Variants in SPTA1 observed in about 807,000 individuals in gnomAD.
The protein encoded by SPTA1 is spectrin alpha chain, erythrocytic 1.
Under a neutral mutation model 324.7 loss-of-function variants are expected in SPTA1, and 177 were observed. The ratio of observed to expected loss-of-function variants is 0.55; its 90% CI spans 0.48 to 0.62. SPTA1 has a LOEUF of 0.62. Ranked by LOEUF, SPTA1 falls within the 20% of genes least tolerant of loss-of-function variation. SPTA1 has a pLI of 0.00. For synonymous variants in SPTA1, 1,195 were observed against 1,041.3 expected, an observed-to-expected ratio of 1.15 and a Z score of -2.84; for missense variants, 3,162 against 2,883.6, an observed-to-expected ratio of 1.10 and a Z score of -2.21.
Position 158,676,193 on chromosome 1 carries a change from G to A in SPTA1, c.1060C>T (p.His354Tyr), listed in dbSNP as rs747037855. The stretch of plus-strand genomic sequence containing the variant: ...CTGCTGGTGGCCAGGGCACGAATAT[G>A]CTCCCAGCTGGAGACCAGATCTTCT... ...MKEDLVSSWE[H>Y]IRALATSRYE... Residue 354 changes from histidine (H) to tyrosine (Y), a missense_variant, in exon 8 of 52, where the codon CAT becomes TAT. Physicochemically the swap from His to Tyr is moderately conservative, Grantham distance 83 (BLOSUM62 2). Transcript: ENST00000643759. The A allele has an allele frequency of 6.2e-7, 1 of 1,613,718 alleles. No individual in the cohort carries two copies. Among genetic ancestry groups the A allele is most frequent in the Non-Finnish European group, 8.5e-7 (1 of 1,179,758 alleles).
chr1:158,659,595 A>ATTATTTTTTTTTTTTTTTT (rs1345384278), intron 18 of SPTA1, among the ~76,000 whole-genome samples: 2 of 68,782 alleles, frequency 2.9e-5, no homozygotes, highest in Non-Finnish European at 6.7e-5. Context: ...TCTTAGCATT[A>ATTATTTTTTTTTTTTTTTT]TTTTTTTTTT....
chr1:158,626,814 G>T (rs1374596118), intron 41 of SPTA1, 25 bp downstream of exon 41: 1 of 1,613,104 alleles, frequency 6.2e-7, no homozygotes, highest in Non-Finnish European at 8.5e-7. Context: ...CAAACCCAAG[G>T]GACCCTGAAC....
Position 158,611,131 on chromosome 1 carries a change from GCACACACACACACACACA to G in SPTA1, c.*115_*132del, listed in dbSNP as rs55832242. On this transcript the variant is annotated 3_prime_UTR_variant, in exon 52 of 52. Transcript: ENST00000643759. The stretch of plus-strand genomic sequence containing the variant: ...AAATGTAATATGCACACAAACACAA[GCACACACACACACACACA>G]CACACACACACACACACGAGGCCAT... The G allele has an allele frequency of 3.4e-5, 23 of 671,432 alleles. No individual in the cohort carries two copies. The Middle Eastern group carries it at 1.2e-3, about 34-fold the overall frequency. 41.6% of individuals were successfully genotyped at this position (671,432 alleles called of 1,614,324 possible).
Position 158,656,611 on chromosome 1 carries a change from A to G in SPTA1, c.2851T>C (p.Phe951Leu). ...CGCAGAGCTTTCATACTGTCTCCAA[A>G]TGAATTGAGATCTAATAGAAAGGCC... Reference protein sequence around the residue: ...HEAFLLDLNSFGDSMKALRNQ... With the variant: ...HEAFLLDLNSLGDSMKALRNQ... The change falls in exon 20 of 52, where the codon TTT becomes CTT. Residue 951 changes from phenylalanine to leucine, a missense_variant. Physicochemically the swap from Phe to Leu is conservative, Grantham distance 22 (BLOSUM62 0). Transcript: ENST00000643759. The G allele has an allele frequency of 6.2e-7, 1 of 1,613,932 alleles. No homozygotes were observed. The highest frequency in any genetic ancestry group is 8.5e-7 in the Non-Finnish European group (1 of 1,179,908).
chr1:158,613,428 A>G (rs945508974), intron 50 of SPTA1, among the ~76,000 whole-genome samples: 1 of 152,082 alleles, frequency 6.6e-6, no homozygotes, highest in Non-Finnish European at 1.5e-5. Flanking sequence ...TCTCACATAC[A>G]TGAAGGGATT....
At position 158,654,882 on chromosome 1, in the gene SPTA1, A is replaced by G. The variant is rs554156054; in HGVS notation, c.2899-134T>C. ...GCTGGAACCTCTTACGTGGCTGCAG[A>G]GATTAAAGTATGTGGTCTTCAGAGA... On this transcript the variant is annotated intron_variant, in intron 20 of 51. Transcript: ENST00000643759. The G allele has an allele frequency of 2.5e-6, 3 of 1,191,456 alleles. No individual in the cohort carries two copies. In the African/African-American group the frequency reaches 4.6e-5, roughly 18 times the overall value. 73.8% of individuals were successfully genotyped at this position (1,191,456 alleles called of 1,614,324 possible). A position where few individuals can be genotyped will look rare whatever the true frequency, so the allele number is the denominator to read the frequency against.
At chr1:158,650,006 C>CCATGTCTG (rs1652304636) in intron 24 of SPTA1, 59 bp from the exon 25 acceptor site, 1 of 1,129,322 alleles carries the variant, frequency 8.9e-7, no homozygotes, top group East Asian at 2.4e-5. Context: ...GGCTCAGTGG[C>CCATGTCTG]GTCTGAAGAC....
At chr1:158,618,012 A>T in intron 46 of SPTA1, 27 bp downstream of exon 46, 1 of 1,604,800 alleles carries the variant, frequency 6.2e-7, no homozygotes, top group Non-Finnish European at 8.5e-7. Context: ...TAATAAAGCA[A>T]ACATGATGAT....
At position 158,644,309 on chromosome 1, in the gene SPTA1, T is replaced by C. The variant is rs1368892942; in HGVS notation, c.4282A>G (p.Ser1428Gly). Reference protein sequence around the residue: ...LRSDDKSSLDSLEALMKKRDD... With the variant: ...LRSDDKSSLDGLEALMKKRDD... ...CGTTTCTTCATCAAAGCCTCCAGAC[T>C]GTCTAAGGAACTTTTGTCATCTGAC... The change falls in exon 30 of 52, where the codon AGT (serine) becomes GGT (glycine). Residue 1428 changes from serine to glycine, a missense_variant. Coordinates refer to ENST00000643759, the MANE Select transcript of SPTA1 (RefSeq NM_003126.4). The C allele has an allele frequency of 6.2e-7, 1 of 1,613,996 alleles. No homozygotes were observed.
chr1:158,659,595 A>ATTT lies in SPTA1; in HGVS notation c.2587+1689_2587+1691dup, dbSNP rs1177353050. Among the ~76,000 whole-genome samples, 37 of 68,774 alleles carry ATTT rather than the reference A, an allele frequency of 5.4e-4. 12 individuals carry two copies. The East Asian group carries it at 6.2e-3, about 12-fold the overall frequency. The allele number at this position is 68,774 out of a possible 152,430, so 45.1% of individuals were successfully genotyped here. A position where few individuals can be genotyped will look rare whatever the true frequency, so the allele number is the denominator to read the frequency against. On this transcript the variant is annotated intron_variant, in intron 18 of 51. Transcript: ENST00000643759. ...AAAAGAAAATAATAGTCTTAGCATT[A>ATTT]TTTTTTTTTTTTTTTTTTTTTTTTT...
chr1:158,636,197 CAAG>C (rs942012162), intron 37 of SPTA1, among the ~76,000 whole-genome samples, 163 bp from the exon 38 acceptor site: 3 of 152,264 alleles, frequency 2.0e-5, no homozygotes, highest in African/African-American at 7.2e-5. Context: ...ATGAAAGCTG[CAAG>C]AAGATTTGCT....
At chr1:158,642,766 A>G in intron 32 of SPTA1, 48 bp downstream of exon 32, 8 of 1,613,554 alleles carry the variant, frequency 5.0e-6, no homozygotes, top group Non-Finnish European at 6.8e-6. Context: ...TATCCAACCA[A>G]CAAGCTCGGA....
Position 158,618,217 on chromosome 1 carries a change from T to A in SPTA1, c.6531-161A>T, listed in dbSNP as rs562512875. 85 of 713,758 alleles carry A rather than the reference T, an allele frequency of 1.2e-4. 2 individuals are homozygous for A. In the South Asian group the frequency reaches 1.4e-3, roughly 12 times the overall value. 44.2% of individuals were successfully genotyped at this position (713,758 alleles called of 1,614,324 possible). A position where few individuals can be genotyped will look rare whatever the true frequency, so the allele number is the denominator to read the frequency against. ...TGTCCACCCACTGGTTCCCAAGGCC[T>A]CTCCCACTCTGAGAAGATCAGAGTC... On this transcript the variant is annotated intron_variant, in intron 45 of 51. Transcript: ENST00000643759.
chr1:158,616,051 AT>A (rs1649536976), intron 47 of SPTA1, among the ~76,000 whole-genome samples: 1 of 152,222 alleles, frequency 6.6e-6, no homozygotes, highest in South Asian at 2.1e-4. Context: ...AGTGAAAAAA[AT>A]GTGGGATATG....
intron 42 of SPTA1, among the ~76,000 whole-genome samples, chr1:158,625,564 G>T (rs1259909868): frequency 6.6e-6 from 1 of 151,528 alleles, no homozygotes; most frequent in African/African-American, 2.4e-5. Context: ...AATTAAACTA[G>T]ATATAAATAT....
intron 24 of SPTA1, among the ~76,000 whole-genome samples, 175 bp downstream of exon 24, chr1:158,651,192 A>G (rs753020708): frequency 4.6e-5 from 7 of 152,220 alleles, no homozygotes; most frequent in African/African-American, 1.7e-4. Flanking sequence ...GACAACAAAA[A>G]TACAGGGACT....
chr1:158,679,216 T>C (rs1294285856), intron 5 of SPTA1, among the ~76,000 whole-genome samples: 1 of 152,144 alleles, frequency 6.6e-6, no homozygotes, highest in East Asian at 1.9e-4. Flanking sequence ...GACAGAATTT[T>C]CTCCATTCTC....
chr1:158,636,674 C>G lies in SPTA1; in HGVS notation c.5277G>C (p.Glu1759Asp), dbSNP rs542123296. 5.6e-6 allele frequency: 9 copies of G among 1,614,154 alleles called. No homozygotes were observed. Among genetic ancestry groups the G allele is most frequent in the Admixed American group, 5.0e-5 (3 of 60,004 alleles). ...QNLLKKHKRL[E>D]GELVAHEPAI... is the part of the protein sequence containing the mutation. ...CAGGCTCATGGGCCACCAGCTCCCC[C>G]TCTAGGCGTTTGTGCTTCTTCAGCA... Residue 1759 changes from glutamate to aspartate, a missense_variant, in exon 37 of 52, where the codon GAG becomes GAC. By Grantham distance (45) the Glu-to-Asp change is conservative. Transcript: ENST00000643759.
intron 16 of SPTA1, among the ~76,000 whole-genome samples, chr1:158,665,353 T>C (rs1653517044): frequency 6.6e-6 from 1 of 152,182 alleles, no homozygotes; most frequent in Admixed American, 6.5e-5. Flanking sequence ...AATGACTTTT[T>C]TCCTGTTTTC....
Sources: allele counts gnomAD v4.1 joint callset (sites outside exome capture counted in the v4.1 genomes callset), GRCh38; gene constraint gnomAD v4.1.1; transcripts MANE v1.5; gene names NCBI Gene and HGNC (gene_info 2026-07-23, HGNC 2026-07-21).